Variants in MN1 observed in about 807,000 individuals in gnomAD.
MN1 encodes transcriptional activator MN1.
A neutral mutation model predicts 86.9 loss-of-function variants in MN1; 19 were observed. That is an observed-to-expected ratio of 0.22 (90% CI 0.15 to 0.32). MN1 has a LOEUF of 0.32. MN1 is among the 10% of genes least tolerant of loss of function. MN1 has a pLI of 1.00. For missense variants in MN1, 1,841 were observed against 1,862.0 expected (o/e 0.99, Z 0.21); for synonymous variants, 928 against 849.6 (o/e 1.09, Z -1.60).
intron 1 of MN1, among the ~76,000 whole-genome samples, chr22:27,759,153 A>G (rs1179328599): frequency 6.6e-6 from 1 of 152,016 alleles, no homozygotes; most frequent in Non-Finnish European, 1.5e-5. Context: ...CAGTGCTAAG[A>G]CCTGTCTCCA....
chr22:27,786,842 G>A (rs954345586), intron 1 of MN1, among the ~76,000 whole-genome samples: 12 of 140,684 alleles, frequency 8.5e-5, no homozygotes, highest in South Asian at 6.9e-4. Flanking sequence ...ATGCCCGTGC[G>A]CACACACACA....
In MN1 at chr22:27,795,289, C is replaced by T. The variant is rs113970393; in HGVS notation, c.3781+1474G>A. On this transcript the variant is annotated intron_variant, in intron 1 of 1. Coordinates refer to ENST00000302326, the MANE Select transcript of MN1 (RefSeq NM_002430.3). ...GCATTCATGAATTAGAAAACCTAAG[C>T]GGGAAAGCTACCCGGGATGCGCGCC... 3.2e-3 allele frequency among the ~76,000 whole-genome samples: 484 copies of T among 152,198 alleles called. 4 individuals carry two copies. The highest frequency in any genetic ancestry group is 0.011 in the African/African-American group (438 of 41,510).
Position 27,797,093 on chromosome 22 carries a change from G to T in MN1, c.3451C>A (p.His1151Asn). 6.2e-7 allele frequency: 1 copy of T among 1,606,846 alleles called. No homozygotes were observed. Among genetic ancestry groups the T allele is most frequent in the Non-Finnish European group, 8.5e-7 (1 of 1,177,526 alleles). The change falls in exon 1 of 2, where the codon CAC becomes AAC. Residue 1151 changes from histidine (H) to asparagine (N), a missense_variant. His to Asn is a moderately conservative substitution (Grantham distance 68). Transcript: ENST00000302326. ...TGCGCCTGAAGGATCTCCAGGGGGT[G>T]GATCTCGTCGGGTGGCGGGGCGCCG... ...SSGAPPPDEI[H>N]PLEILQAQIQ...
At chr22:27,779,000 A>AC (rs1412021438) in intron 1 of MN1, among the ~76,000 whole-genome samples, 11 of 152,104 alleles carry the variant, frequency 7.2e-5, no homozygotes, top group Non-Finnish European at 1.0e-4. Flanking sequence ...TTCCTTCCCT[A>AC]CCCACCCCTG....
At chr22:27,752,646 G>A (rs1432807304) in intron 1 of MN1, among the ~76,000 whole-genome samples, 3 of 152,186 alleles carry the variant, frequency 2.0e-5, no homozygotes, top group African/African-American at 7.2e-5. Context: ...GCTCTGTCCT[G>A]AGACCTGCCA....
In MN1 at chr22:27,780,126, T is replaced by C. The variant is rs1206231914; in HGVS notation, c.3781+16637A>G. The stretch of plus-strand genomic sequence containing the variant: ...GAAACAGACATTTTCTCAGACACCT[T>C]GGGCTCAGATGAAGCACCGTTCAAT... On this transcript the variant is annotated intron_variant, in intron 1 of 1. Coordinates refer to ENST00000302326, the MANE Select transcript of MN1 (RefSeq NM_002430.3). Among the ~76,000 whole-genome samples the C allele has an allele frequency of 5.3e-5, 8 of 152,190 alleles. No individual in the cohort carries two copies. In the East Asian group the frequency reaches 1.4e-3, roughly 26 times the overall value.
intron 1 of MN1, among the ~76,000 whole-genome samples, chr22:27,776,251 G>A (rs45555434): frequency 1.5e-3 from 234 of 152,234 alleles, no homozygotes; most frequent in Non-Finnish European, 2.7e-3. Flanking sequence ...GGCTCTCTTG[G>A]GGGATTCACT....
intron 1 of MN1, among the ~76,000 whole-genome samples, chr22:27,753,572 T>G (rs1601320854): frequency 6.6e-6 from 1 of 152,176 alleles, no homozygotes; most frequent in African/African-American, 2.4e-5. Flanking sequence ...CCCAGCTAGG[T>G]GGGCGTGTTC....
intron 1 of MN1, among the ~76,000 whole-genome samples, chr22:27,768,330 A>G (rs1223927856): frequency 6.6e-6 from 1 of 152,126 alleles, no homozygotes; most frequent in Non-Finnish European, 1.5e-5. Flanking sequence ...AGCCCTGGAG[A>G]ACCAGGCCCC....
chr22:27,785,891 C>T (rs1026771117), intron 1 of MN1, among the ~76,000 whole-genome samples: 3 of 152,162 alleles, frequency 2.0e-5, no homozygotes, highest in Admixed American at 6.5e-5. Context: ...AAATTTAAGG[C>T]CAGACACCAA....
Position 27,750,721 on chromosome 22 carries a change from T to C in MN1, c.*194A>G, listed in dbSNP as rs528862786. The stretch of plus-strand genomic sequence containing the variant: ...TCTTTTTTAAAAAAACTTTTGAGGT[T>C]CCCCCCCTTTAAATTAACCCTTTCC... On this transcript the variant is annotated 3_prime_UTR_variant, in exon 2 of 2. Coordinates refer to ENST00000302326, the MANE Select transcript of MN1 (RefSeq NM_002430.3). The C allele has an allele frequency of 1.4e-5, 6 of 442,492 alleles. No individual in the cohort carries two copies. Among genetic ancestry groups the C allele is most frequent in the East Asian group, 3.4e-5 (1 of 29,066 alleles). 27.4% of individuals were successfully genotyped at this position (442,492 alleles called of 1,614,324 possible).
At chr22:27,788,735 G>A (rs1933172967) in intron 1 of MN1, among the ~76,000 whole-genome samples, 3 of 151,944 alleles carry the variant, frequency 2.0e-5, no homozygotes, top group Admixed American at 6.6e-5. Context: ...ATGTGCGCAT[G>A]CGTGGAGGGG....
Position 27,797,804 on chromosome 22 carries a change from C to T in MN1, c.2740G>A (p.Asp914Asn). 1.3e-6 allele frequency: 2 copies of T among 1,592,644 alleles called. No individual in the cohort carries two copies. Among genetic ancestry groups the T allele is most frequent in the Non-Finnish European group, 1.7e-6 (2 of 1,171,222 alleles). ...SGPPNPPAQG[D>N]GTSLSPNYTL... ...TAGTTGGGGGAGAGGCTGGTGCCGT[C>T]CCCCTGGGCTGGAGGGTTGGGCGGC... Residue 914 changes from aspartate (D) to asparagine (N), a missense_variant, in exon 1 of 2, where the codon GAC becomes AAC. Transcript: ENST00000302326.
intron 1 of MN1, among the ~76,000 whole-genome samples, chr22:27,773,612 A>G (rs574061457): frequency 2.0e-5 from 3 of 152,312 alleles, no homozygotes; most frequent in Admixed American, 2.0e-4. Context: ...ACAAGAGAGG[A>G]TGCTAGGACC....
In MN1 at chr22:27,798,915, C is replaced by T. The variant is rs1933368795; in HGVS notation, c.1629G>A (p.Gln543=). 1.9e-6 allele frequency: 3 copies of T among 1,557,434 alleles called. No individual in the cohort carries two copies. In the African/African-American group the frequency reaches 4.1e-5, roughly 21 times the overall value. ...GGCGCTGCTGCTGCTGCTGCTGTTG[C>T]TGTTGCTGTTGCTGCTGCTGCTGCT... The part of the protein sequence containing the change: ...QQQQQQQQQQ[Q]QQQQQQQRQN... The change falls in exon 1 of 2, where the codon CAG becomes CAA. Residue 543 remains glutamine, a synonymous_variant. Coordinates refer to ENST00000302326, the MANE Select transcript of MN1 (RefSeq NM_002430.3).
intron 1 of MN1, among the ~76,000 whole-genome samples, chr22:27,756,340 G>A (rs1401027814): frequency 2.0e-5 from 3 of 152,252 alleles, no homozygotes; most frequent in East Asian, 3.9e-4. Context: ...CGCGGACCAG[G>A]TTCCAATGTG....
chr22:27,767,620 A>T (rs1932879608), intron 1 of MN1, among the ~76,000 whole-genome samples: 1 of 151,966 alleles, frequency 6.6e-6, no homozygotes, highest in Non-Finnish European at 1.5e-5. Flanking sequence ...CCCAACCAAC[A>T]TGCCACCCAG....
At chr22:27,758,712 G>A (rs1932816327) in intron 1 of MN1, among the ~76,000 whole-genome samples, 1 of 152,216 alleles carries the variant, frequency 6.6e-6, no homozygotes, top group Non-Finnish European at 1.5e-5. Context: ...AAGAAGATAA[G>A]GTTCTATTGT....
chr22:27,760,549 G>T (rs948980066), intron 1 of MN1, among the ~76,000 whole-genome samples: 16 of 152,096 alleles, frequency 1.1e-4, no homozygotes, highest in South Asian at 2.1e-4. Flanking sequence ...TTTGATATAG[G>T]CAAGAGTCTG....
Sources: gnomAD v4.1 joint callset for allele counts (sites outside exome capture counted in the v4.1 genomes callset) on GRCh38, gnomAD v4.1.1 for gene constraint, MANE v1.5 for transcripts, NCBI Gene and HGNC (gene_info 2026-07-23, HGNC 2026-07-21) for gene names.